TEAD1: variants seen among roughly 807,000 people sequenced by gnomAD.
TEAD1 encodes the protein transcriptional enhancer factor TEF-1.
TEAD1 carries 9 observed loss-of-function variants against 54.9 expected under a neutral mutation model. The observed-to-expected ratio is 0.16, with a 90% CI of 0.10 to 0.29. TEAD1 has a LOEUF of 0.29. TEAD1 is among the 10% of genes least tolerant of loss of function. The probability of loss-of-function intolerance (pLI) is 1.00; values close to 1 mark genes in which losing one functional copy is unlikely to be tolerated. For missense variants in TEAD1, 387 were observed against 535.9 expected (o/e 0.72, Z 2.74); for synonymous variants, 200 against 187.8 (o/e 1.07, Z -0.53).
At chr11:12,792,519 T>C (rs1945825357) in intron 3 of TEAD1, among the ~76,000 whole-genome samples, 2 of 152,208 alleles carry the variant, frequency 1.3e-5, no homozygotes, top group South Asian at 2.1e-4. Context: ...GACACTTAAA[T>C]GTGAAATTGT....
intron 2 of TEAD1, among the ~76,000 whole-genome samples, chr11:12,712,999 T>G (rs187579986): frequency 7.9e-5 from 12 of 152,194 alleles, no homozygotes; most frequent in Admixed American, 3.9e-4. Context: ...GTGAACACGG[T>G]GGGGCCTGTG....
At chr11:12,864,747 A>C in intron 4 of TEAD1, 91 bp from the exon 5 acceptor site, 1 of 1,611,174 alleles carries the variant, frequency 6.2e-7, no homozygotes, top group Non-Finnish European at 8.5e-7. Context: ...GCCGCCATTA[A>C]GGTACGTCTG....
At chr11:12,820,208 C>T (rs1946512716) in intron 3 of TEAD1, among the ~76,000 whole-genome samples, 1 of 152,092 alleles carries the variant, frequency 6.6e-6, no homozygotes, top group Non-Finnish European at 1.5e-5. Flanking sequence ...ATAATGTATA[C>T]TCAGGACTCT....
chr11:12,693,419 A>G (rs933198575), intron 2 of TEAD1, among the ~76,000 whole-genome samples: 6 of 152,348 alleles, frequency 3.9e-5, no homozygotes, highest in Admixed American at 1.3e-4. Context: ...CTTAAGCTAC[A>G]TGCTTCTGTA....
chr11:12,699,582 T>C (rs1183988241), intron 2 of TEAD1, among the ~76,000 whole-genome samples: 2 of 152,240 alleles, frequency 1.3e-5, no homozygotes, highest in African/African-American at 2.4e-5. Context: ...TTTCCACTTA[T>C]TCTGTATCAC....
chr11:12,750,144 C>T (rs893423214), intron 2 of TEAD1, among the ~76,000 whole-genome samples: 18 of 152,180 alleles, frequency 1.2e-4, no homozygotes, highest in Admixed American at 2.6e-4. Context: ...TAGCTCGTGT[C>T]GGCATTAGTT....
intron 8 of TEAD1, 103 bp downstream of exon 8, chr11:12,882,060 A>C: frequency 7.8e-7 from 1 of 1,276,976 alleles, no homozygotes; most frequent in East Asian, 2.3e-5. Flanking sequence ...ACTTTGCCAC[A>C]GCCGCACATT....
intron 11 of TEAD1, among the ~76,000 whole-genome samples, chr11:12,925,713 G>A: frequency 6.6e-6 from 1 of 152,214 alleles, no homozygotes; most frequent in Admixed American, 6.5e-5. Context: ...TGGTATGAAA[G>A]CTGGGTCGAG....
chr11:12,869,118 G>A (rs1226388564), intron 5 of TEAD1, among the ~76,000 whole-genome samples: 3 of 152,154 alleles, frequency 2.0e-5, no homozygotes, highest in Admixed American at 6.5e-5. Flanking sequence ...AAGGGCCCTC[G>A]ATTATCCCAC....
chr11:12,690,997 C>T (rs557577268), intron 2 of TEAD1, among the ~76,000 whole-genome samples: 14 of 152,314 alleles, frequency 9.2e-5, no homozygotes, highest in Admixed American at 7.2e-4. Flanking sequence ...GCGATCTGCT[C>T]ACCTCGGCTT....
intron 2 of TEAD1, among the ~76,000 whole-genome samples, chr11:12,753,303 A>G (rs1014436867): frequency 6.6e-6 from 1 of 152,220 alleles, no homozygotes; most frequent in Non-Finnish European, 1.5e-5. Context: ...TTGCTGAATC[A>G]GGAGGTATGC....
At chr11:12,914,239 C>T (rs1948669741) in intron 10 of TEAD1, among the ~76,000 whole-genome samples, 1 of 152,090 alleles carries the variant, frequency 6.6e-6, no homozygotes, top group Admixed American at 6.6e-5. Context: ...CTTTGAAGTG[C>T]CAAATGTTTA....
intron 2 of TEAD1, among the ~76,000 whole-genome samples, chr11:12,720,666 G>A (rs369922903): frequency 6.6e-5 from 10 of 152,316 alleles, no homozygotes; most frequent in African/African-American, 1.9e-4. Flanking sequence ...AGATTGAGGT[G>A]CTATGGAAGG....
At chr11:12,876,234 T>C (rs1355961133) in intron 5 of TEAD1, among the ~76,000 whole-genome samples, 1 of 152,322 alleles carries the variant, frequency 6.6e-6, no homozygotes, top group Non-Finnish European at 1.5e-5. Flanking sequence ...AGATAGGTGC[T>C]TTTCTCCTTT....
intron 3 of TEAD1, among the ~76,000 whole-genome samples, chr11:12,844,292 C>T (rs2083440): frequency 0.61 from 92,855 of 152,022 alleles, 30,014 homozygotes; most frequent in East Asian, 0.77. Flanking sequence ...ATCTCTTTTT[C>T]CTCTTAAGAA....
At chr11:12,802,980 T>C (rs1353520844) in intron 3 of TEAD1, among the ~76,000 whole-genome samples, 1 of 152,130 alleles carries the variant, frequency 6.6e-6, no homozygotes, top group Non-Finnish European at 1.5e-5. Flanking sequence ...GGAAGTGAAT[T>C]GTCAAGATAG....
At chr11:12,903,957 T>C (rs1446333219) in intron 10 of TEAD1, among the ~76,000 whole-genome samples, 1 of 152,206 alleles carries the variant, frequency 6.6e-6, no homozygotes, top group African/African-American at 2.4e-5. Context: ...GTAATTTGGA[T>C]GGTGGTTGGA....
intron 3 of TEAD1, among the ~76,000 whole-genome samples, chr11:12,804,770 T>G (rs1300400996): frequency 6.6e-6 from 1 of 152,150 alleles, no homozygotes; most frequent in Non-Finnish European, 1.5e-5. Context: ...CCTTTCTATG[T>G]GTTGGGATGC....
Position 12,752,713 on chromosome 11 carries a change from T to A in TEAD1, c.-54-11466T>A, listed in dbSNP as rs1944900010. Among the ~76,000 whole-genome samples, 4 of 152,126 alleles carry A rather than the reference T, an allele frequency of 2.6e-5. No individual in the cohort carries two copies. The South Asian group carries it at 8.3e-4, about 32-fold the overall frequency. ...TAGCCACTTGTGAATATTGAGCTCA[T>A]GAGATACAAGTAGTGTGACTGAACA... On this transcript the variant is annotated intron_variant, in intron 2 of 12. Coordinates refer to ENST00000527636, the MANE Select transcript of TEAD1 (RefSeq NM_021961.6).
Sources: allele counts gnomAD v4.1 joint callset (sites outside exome capture counted in the v4.1 genomes callset), GRCh38; gene constraint gnomAD v4.1.1; transcripts MANE v1.5; gene names NCBI Gene and HGNC (gene_info 2026-07-23, HGNC 2026-07-21).